The following WIPF3 variants were observed in gnomAD, a reference collection of about 807,000 sequenced individuals.
WIPF3 encodes the protein WAS/WASL-interacting protein family member 3.
WIPF3 carries 33 observed loss-of-function variants against 38.9 expected under a neutral mutation model. The observed-to-expected ratio is 0.85, with a 90% CI of 0.64 to 1.14. The LOEUF (loss-of-function observed/expected upper bound fraction) is 1.14, where lower values mean the gene tolerates loss of function less well. Among genes scored for constraint, WIPF3 ranks in the 50% most tolerant of loss-of-function variants. WIPF3 has a pLI of 0.00. For synonymous variants in WIPF3, 324 were observed against 269.3 expected, an observed-to-expected ratio of 1.20 and a Z score of -1.99; for missense variants, 711 against 652.5, an observed-to-expected ratio of 1.09 and a Z score of -0.98.
At chr7:29,833,669 G>C (rs1200409446) in intron 1 of WIPF3, among the ~76,000 whole-genome samples, 2 of 152,144 alleles carry the variant, frequency 1.3e-5, no homozygotes, top group African/African-American at 2.4e-5. Flanking sequence ...AATGCCACAG[G>C]ATTTTAAAGA....
intron 5 of WIPF3, among the ~76,000 whole-genome samples, chr7:29,887,343 G>A (rs1408647155): frequency 6.6e-6 from 1 of 152,208 alleles, no homozygotes; most frequent in Admixed American, 6.5e-5. Context: ...TGTTTGCAGT[G>A]CCACTGAAGA....
rs1784462161 is a variant in WIPF3, at chr7:29,816,594, G to A, written c.-58+9916G>A. ...TCCTGCCCCTGCTTTCCAAAGTGCT[G>A]GGATTACAGGCATGAGCTGCCCTGC... On this transcript the variant is annotated intron_variant, in intron 1 of 8. Coordinates refer to ENST00000242140, the MANE Select transcript of WIPF3 (RefSeq NM_001080529.3). Among the ~76,000 whole-genome samples, 4 of 83,208 alleles carry A rather than the reference G, an allele frequency of 4.8e-5. No individual in the cohort carries two copies. In the South Asian group the frequency reaches 1.6e-3, roughly 34 times the overall value. The allele number at this position is 83,208 out of a possible 152,430, so 54.6% of individuals were successfully genotyped here.
chr7:29,866,226 G>A (rs924944823), intron 2 of WIPF3, among the ~76,000 whole-genome samples: 11 of 152,190 alleles, frequency 7.2e-5, no homozygotes, highest in Non-Finnish European at 2.9e-5. Context: ...GAAACATCTT[G>A]AACTTTCTAG....
At chr7:29,877,827 C>T (rs1302839104) in intron 3 of WIPF3, among the ~76,000 whole-genome samples, 1 of 151,980 alleles carries the variant, frequency 6.6e-6, no homozygotes, top group African/African-American at 2.4e-5. Context: ...GTCCCATTCC[C>T]CAAGATATCG....
At chr7:29,864,062 T>C (rs1294647768) in intron 2 of WIPF3, among the ~76,000 whole-genome samples, 4 of 152,262 alleles carry the variant, frequency 2.6e-5, no homozygotes, top group Non-Finnish European at 5.9e-5. Context: ...GAATTTCCAT[T>C]ATGATGGTCA....
chr7:29,874,385 T>C (rs1248797028), intron 2 of WIPF3, among the ~76,000 whole-genome samples: 1 of 152,104 alleles, frequency 6.6e-6, no homozygotes, highest in Non-Finnish European at 1.5e-5. Flanking sequence ...TAATCACAAA[T>C]GGAAATTTTC....
chr7:29,871,155 AAGTT>A (rs1192716496), intron 2 of WIPF3, among the ~76,000 whole-genome samples: 6 of 152,306 alleles, frequency 3.9e-5, no homozygotes, highest in Admixed American at 1.3e-4. Flanking sequence ...TGACAGGAGA[AAGTT>A]AGTTTTTTAA....
chr7:29,877,700 A>C (rs1446843543), intron 3 of WIPF3, among the ~76,000 whole-genome samples: 1 of 152,232 alleles, frequency 6.6e-6, no homozygotes, highest in East Asian at 1.9e-4. Flanking sequence ...CCATGAACGC[A>C]AGCTTTGTTT....
At chr7:29,876,912 G>A (rs896606300) in intron 3 of WIPF3, among the ~76,000 whole-genome samples, 1 of 152,104 alleles carries the variant, frequency 6.6e-6, no homozygotes, top group Admixed American at 6.5e-5. Flanking sequence ...GGTCATCTGT[G>A]AAATGGGGAG....
chr7:29,887,521 G>A (rs898137651), intron 5 of WIPF3, among the ~76,000 whole-genome samples: 2 of 152,220 alleles, frequency 1.3e-5, no homozygotes, highest in South Asian at 2.1e-4. Flanking sequence ...TGGAGGGCAC[G>A]TAAGATTTAG....
rs551654581 is a variant in WIPF3 at position 29,896,776 on chromosome 7, C to T, written c.1351+7369C>T. On this transcript the variant is annotated intron_variant, in intron 7 of 8. Transcript: ENST00000242140. ...ACAATAAAAAGAAAGTGAACAAAAA[C>T]TGTCAGTAGGAATTTTGGGAAAAAT... Among the ~76,000 whole-genome samples, 5 of 152,242 alleles carry T rather than the reference C, an allele frequency of 3.3e-5. No homozygotes were observed. In the East Asian group the frequency reaches 7.7e-4, roughly 23 times the overall value.
At chr7:29,836,269 C>T (rs947947413) in intron 2 of WIPF3, among the ~76,000 whole-genome samples, 2 of 152,200 alleles carry the variant, frequency 1.3e-5, no homozygotes, top group African/African-American at 2.4e-5. Context: ...CTTGCAAGCA[C>T]TGAAGAAGTA....
chr7:29,813,710 A>G (rs1784415782), intron 1 of WIPF3, among the ~76,000 whole-genome samples: 1 of 152,230 alleles, frequency 6.6e-6, no homozygotes, highest in South Asian at 2.1e-4. Flanking sequence ...GCTTTTTAAA[A>G]TACACAATTT....
chr7:29,889,279 AAC>A (rs1289661467), intron 6 of WIPF3, 25 bp from the exon 7 acceptor site: 1 of 1,580,124 alleles, frequency 6.3e-7, no homozygotes, highest in South Asian at 1.1e-5. Flanking sequence ...TAACCTGAGT[AAC>A]TCTTTCCATT....
chr7:29,850,668 C>G (rs1785079587), intron 2 of WIPF3, among the ~76,000 whole-genome samples: 1 of 152,160 alleles, frequency 6.6e-6, no homozygotes, highest in Admixed American at 6.5e-5. Flanking sequence ...CCTACTCACC[C>G]CATTGAGAAC....
At chr7:29,852,735 G>A (rs1247283165) in intron 2 of WIPF3, among the ~76,000 whole-genome samples, 1 of 152,200 alleles carries the variant, frequency 6.6e-6, no homozygotes, top group Non-Finnish European at 1.5e-5. Context: ...CCCCTACCCT[G>A]AACTCAGGAT....
At position 29,908,294 on chromosome 7, in the gene WIPF3, A is replaced by G. The variant is rs547313480; in HGVS notation, c.1428+3932A>G. ...TGTTAATACAAGTTTCAATAGAGCA[A>G]GAAGACATAACAATTACAGATATTA... On this transcript the variant is annotated intron_variant, in intron 8 of 8. Coordinates refer to ENST00000242140, the MANE Select transcript of WIPF3 (RefSeq NM_001080529.3). 2.5e-3 allele frequency among the ~76,000 whole-genome samples: 385 copies of G among 152,376 alleles called. 1 individual carries two copies. The highest frequency in any genetic ancestry group is 8.9e-3 in the African/African-American group (370 of 41,584).
intron 7 of WIPF3, among the ~76,000 whole-genome samples, chr7:29,894,964 A>G (rs772324055): frequency 7.2e-6 from 1 of 139,638 alleles, no homozygotes; most frequent in Non-Finnish European, 1.6e-5. Flanking sequence ...GTTTTGTTTC[A>G]TTTTTTTGAG....
rs543723994 is a variant in WIPF3, at chr7:29,901,383, ATTTTTTT to A, written c.1352-2882_1352-2876del. Among the ~76,000 whole-genome samples the A allele has an allele frequency of 3.7e-3, 448 of 122,184 alleles. 6 individuals are homozygous for A. The highest frequency in any genetic ancestry group is 0.011 in the African/African-American group (328 of 29,108). The allele number at this position is 122,184 out of a possible 152,430, so 80.2% of individuals were successfully genotyped here. On this transcript the variant is annotated intron_variant, in intron 7 of 8. Coordinates refer to ENST00000242140, the MANE Select transcript of WIPF3 (RefSeq NM_001080529.3). ...CGGCCACTCACTTCTAGCAGCAGTG[ATTTTTTT>A]TTTTTTTTTTTTTTTTTTTTACAAG...
Sources: gnomAD v4.1 joint callset for allele counts (sites outside exome capture counted in the v4.1 genomes callset) on GRCh38, gnomAD v4.1.1 for gene constraint, MANE v1.5 for transcripts, NCBI Gene and HGNC (gene_info 2026-07-23, HGNC 2026-07-21) for gene names.